The following DCP2 variants were observed in gnomAD, a reference collection of about 807,000 sequenced individuals.
DCP2 encodes m7GpppN-mRNA hydrolase.
In DCP2, 30 loss-of-function variants were observed where a neutral mutation model predicts 56.1. That is an observed-to-expected ratio of 0.53 (90% confidence interval 0.40 to 0.73). The LOEUF (loss-of-function observed/expected upper bound fraction) is 0.73, where lower values mean the gene tolerates loss of function less well. Among genes scored for constraint, DCP2 ranks in the 30% least tolerant of loss-of-function variants. DCP2 has a pLI of 0.00. For synonymous variants in DCP2, 197 were observed against 163.3 expected (o/e 1.21, Z -1.57); for missense variants, 533 against 502.7 (o/e 1.06, Z -0.58).
In DCP2 at chr5:113,005,390, G is replaced by T. The variant is rs536735805; in HGVS notation, c.942+1313G>T. 2.7e-5 allele frequency among the ~76,000 whole-genome samples: 4 copies of T among 146,212 alleles called. No individual in the cohort carries two copies. The South Asian group carries it at 8.3e-4, about 30-fold the overall frequency. On this transcript the variant is annotated intron_variant, in intron 8 of 10. Coordinates refer to ENST00000389063, the MANE Select transcript of DCP2 (RefSeq NM_152624.6). ...AGTTCTCCAAAGAAGATATGCAAAT[G>T]GCTCAACATTATTAATCATTAGGGA...
rs942042253 is a variant in DCP2 at position 113,020,371 on chromosome 5, A to G, written c.*6887A>G. 1 of 49,020 alleles carries G rather than the reference A, an allele frequency of 2.0e-5. No individual in the cohort carries two copies. The highest frequency in any genetic ancestry group is 1.4e-3 in the East Asian group (1 of 728). The allele number at this position is 49,020 out of a possible 1,614,324, so 3.0% of individuals were successfully genotyped here. A position where few individuals can be genotyped will look rare whatever the true frequency, so the allele number is the denominator to read the frequency against. The stretch of plus-strand genomic sequence containing the variant: ...GCATTTTAATGCTTGGAGAAAGACT[A>G]TAAGTGAATCTACTTCAAGGGATTC... On this transcript the variant is annotated 3_prime_UTR_variant, in exon 11 of 11. Transcript: ENST00000389063.
intron 1 of DCP2, among the ~76,000 whole-genome samples, chr5:112,980,533 T>C (rs1388129246): frequency 6.6e-6 from 1 of 152,250 alleles, no homozygotes; most frequent in South Asian, 2.1e-4. Flanking sequence ...AAGCATTTTA[T>C]TTCAGCTATT....
intron 1 of DCP2, chr5:112,984,254 A>C (rs536915769): frequency 6.6e-6 from 1 of 152,216 alleles, no homozygotes; most frequent in Non-Finnish European, 1.5e-5. Context: ...GAAAATTCAC[A>C]ATGGAGATGA....
intron 4 of DCP2, among the ~76,000 whole-genome samples, chr5:113,000,635 A>C (rs1033739910): frequency 6.6e-6 from 1 of 152,210 alleles, no homozygotes; most frequent in Non-Finnish European, 1.5e-5. Context: ...AGGAAAGGAA[A>C]ACCAAAGCAT....
In DCP2 at chr5:113,003,986, C is replaced by G. The variant is rs1200396985; in HGVS notation, c.851C>G (p.Ser284Cys). 1 of 1,614,104 alleles carries G rather than the reference C, an allele frequency of 6.2e-7. No individual in the cohort carries two copies. ...RHSQQLFPDG[S>C]PGDQWVKHRQ... Reference sequence around the variant, plus strand: ...AGTCAGCAGTTATTTCCTGACGGTTCTCCTGGTGACCAGTGGGTAAAGCAC... The same window carrying G: ...AGTCAGCAGTTATTTCCTGACGGTTGTCCTGGTGACCAGTGGGTAAAGCAC... The change falls in exon 8 of 11, where the codon TCT (serine) becomes TGT (cysteine). Residue 284 changes from serine to cysteine, a missense_variant. Physicochemically the swap from Ser to Cys is moderately radical, Grantham distance 112. Coordinates refer to ENST00000389063, the MANE Select transcript of DCP2 (RefSeq NM_152624.6).
chr5:113,003,990 T>G lies in DCP2; in HGVS notation c.855T>G (p.Pro285=). ...HSQQLFPDGS[P]GDQWVKHRQP... ...AGCAGTTATTTCCTGACGGTTCTCC[T>G]GGTGACCAGTGGGTAAAGCACAGGC... Residue 285 remains proline, a synonymous_variant, in exon 8 of 11, where the codon CCT becomes CCG. Transcript: ENST00000389063. 1 of 1,614,168 alleles carries G rather than the reference T, an allele frequency of 6.2e-7. No individual in the cohort carries two copies. The highest frequency in any genetic ancestry group is 8.5e-7 in the Non-Finnish European group (1 of 1,180,000).
At position 113,021,420 on chromosome 5, in the gene DCP2, A is replaced by G. The variant is rs1029839508; in HGVS notation, c.*7936A>G. ...AAAAAAAAAACCCCCAGGAAGAAAT[A>G]TTGTCGAGAGTCTCTGCAAAAATGA... is the stretch of plus-strand genomic sequence containing the variant. On this transcript the variant is annotated 3_prime_UTR_variant, in exon 11 of 11. Transcript: ENST00000389063. Among the ~76,000 whole-genome samples the G allele has an allele frequency of 6.6e-6, 1 of 151,070 alleles. No homozygotes were observed. The highest frequency in any genetic ancestry group is 1.5e-5 in the Non-Finnish European group (1 of 67,800).
rs1308399938 is a variant in DCP2, at chr5:113,001,395, T to C, written c.624T>C (p.His208=). ...EWFSIEKLPC[H]RNDMTPKSKL... Reference sequence around the variant, plus strand: ...TCTCTATTGAGAAATTGCCTTGTCATAGAAATGATATGACCCCCAAATCCA... The same window carrying C: ...TCTCTATTGAGAAATTGCCTTGTCACAGAAATGATATGACCCCCAAATCCA... Residue 208 remains histidine, a synonymous_variant, in exon 6 of 11, where the codon CAT becomes CAC. Transcript: ENST00000389063. 1.9e-6 allele frequency: 3 copies of C among 1,613,904 alleles called. No individual in the cohort carries two copies. Among genetic ancestry groups the C allele is most frequent in the Admixed American group, 3.3e-5 (2 of 59,986 alleles).
intron 10 of DCP2, 32 bp from the exon 11 acceptor site, chr5:113,013,289 G>A (rs745704541): frequency 6.3e-7 from 1 of 1,592,036 alleles, no homozygotes; most frequent in Admixed American, 1.8e-5. Context: ...TAAGGTTACT[G>A]AGCTTATTTA....
rs112449298 is a variant in DCP2, at chr5:113,000,420, A to ACACACACCCC, written c.433-659_433-658insACCCCCACAC. Among the ~76,000 whole-genome samples the ACACACACCCC allele has an allele frequency of 4.0e-3, 586 of 146,762 alleles. 6 individuals are homozygous for ACACACACCCC. The highest frequency in any genetic ancestry group is 6.1e-3 in the Non-Finnish European group (406 of 66,144). On this transcript the variant is annotated intron_variant, in intron 4 of 10. Coordinates refer to ENST00000389063, the MANE Select transcript of DCP2 (RefSeq NM_152624.6). Reference sequence around the variant, plus strand: ...CTAATACACACACACACACACACACACACACCCACACACCCTACCTGAGTT... The same window carrying ACACACACCCC: ...CTAATACACACACACACACACACACACACACACCCCCACACCCACACACCCTACCTGAGTT...
At chr5:112,997,796 G>T (rs897510515) in intron 4 of DCP2, among the ~76,000 whole-genome samples, 2 of 152,006 alleles carry the variant, frequency 1.3e-5, no homozygotes, top group African/African-American at 4.8e-5. Flanking sequence ...TGTATTTTTA[G>T]TAGAGATGGG....
chr5:112,984,381 A>G (rs1444492229), intron 1 of DCP2: 2 of 152,158 alleles, frequency 1.3e-5, no homozygotes, highest in African/African-American at 4.8e-5. Context: ...AACTAGCTGC[A>G]TTTGACTTGA....
At position 112,987,639 on chromosome 5, in the gene DCP2, T is replaced by C. The variant is rs1748360208; in HGVS notation, c.205+1653T>C. Reference sequence around the variant, plus strand: ...AGGTGCCTTTTTTTTTTTTTTTTTTTTTTTTTGTATTTTTAGTAGAGATGG... The same window carrying C: ...AGGTGCCTTTTTTTTTTTTTTTTTTCTTTTTTGTATTTTTAGTAGAGATGG... On this transcript the variant is annotated intron_variant, in intron 2 of 10. Transcript: ENST00000389063. Among the ~76,000 whole-genome samples the C allele has an allele frequency of 2.8e-5, 4 of 142,702 alleles. No individual in the cohort carries two copies. In the South Asian group the frequency reaches 9.2e-4, roughly 33 times the overall value. 93.6% of individuals were successfully genotyped at this position (142,702 alleles called of 152,430 possible).
intron 1 of DCP2, 50 bp from the exon 2 acceptor site, chr5:112,985,785 A>T (rs771130007): frequency 1.3e-6 from 2 of 1,574,714 alleles, no homozygotes; most frequent in South Asian, 1.1e-5. Flanking sequence ...CTTAAGATAA[A>T]TCGTTATAGT....
rs1398257016 is a variant in DCP2 at position 113,008,005 on chromosome 5, A to G, written c.1010A>G (p.Asn337Ser). 1.9e-6 allele frequency: 3 copies of G among 1,613,906 alleles called. No individual in the cohort carries two copies. The highest frequency in any genetic ancestry group is 3.3e-5 in the Admixed American group (2 of 59,996). Reference protein sequence around the residue: ...QDSPNQKKRTNGLQPAKQQNS... With the variant: ...QDSPNQKKRTSGLQPAKQQNS... Reference sequence around the variant, plus strand: ...TCACCTAATCAAAAGAAAAGAACAAATGGGCTTCAGCCAGCAAAGCAGCAG... The same window carrying G: ...TCACCTAATCAAAAGAAAAGAACAAGTGGGCTTCAGCCAGCAAAGCAGCAG... The change falls in exon 9 of 11, where the codon AAT (asparagine) becomes AGT (serine). Residue 337 changes from asparagine (N) to serine (S), a missense_variant. Physicochemically the swap from Asn to Ser is conservative, Grantham distance 46 (BLOSUM62 1). Around this residue, in one of 3 missense-constraint regions of DCP2, gnomAD observed 392 missense variants for 346.6 expected, o/e 1.13. Transcript: ENST00000389063.
At position 113,014,555 on chromosome 5, in the gene DCP2, ATAACAG is replaced by A. The variant is rs1446252125; in HGVS notation, c.*1077_*1082del. 6.6e-6 allele frequency: 1 copy of A among 152,670 alleles called. No homozygotes were observed. The highest frequency in any genetic ancestry group is 1.5e-5 in the Non-Finnish European group (1 of 68,050). 9.5% of individuals were successfully genotyped at this position (152,670 alleles called of 1,614,324 possible). The stretch of plus-strand genomic sequence containing the variant: ...GTTACACGTTATGTATATGTGTTAC[ATAACAG>A]TAACATACATAACTCACTCCTAGGA... On this transcript the variant is annotated 3_prime_UTR_variant, in exon 11 of 11. Transcript: ENST00000389063.
chr5:113,008,891 T>C (rs1645054113), intron 9 of DCP2, among the ~76,000 whole-genome samples: 1 of 151,986 alleles, frequency 6.6e-6, no homozygotes. Flanking sequence ...GTCACCAAGC[T>C]GGATTGCAGT....
intron 1 of DCP2, among the ~76,000 whole-genome samples, chr5:112,981,347 T>C (rs1169372356): frequency 1.3e-5 from 2 of 152,170 alleles, no homozygotes; most frequent in African/African-American, 2.4e-5. Flanking sequence ...ATATTTGTTT[T>C]ACGAACTTAC....
chr5:112,996,890 T>G (rs921391209), intron 4 of DCP2, among the ~76,000 whole-genome samples: 1 of 152,224 alleles, frequency 6.6e-6, no homozygotes, highest in African/African-American at 2.4e-5. Flanking sequence ...AATTTTAGAA[T>G]TATGCAACAT....
Sources: gnomAD v4.1 joint callset for allele counts (sites outside exome capture counted in the v4.1 genomes callset) on GRCh38, gnomAD v4.1.1 for gene constraint, gnomAD v4.1.1 regional missense constraint, MANE v1.5 for transcripts, NCBI Gene and HGNC (gene_info 2026-07-23, HGNC 2026-07-21) for gene names.